The following PTK2B variants were observed in gnomAD, a reference collection of about 807,000 sequenced individuals.
PTK2B encodes protein-tyrosine kinase 2-beta.
Under a neutral mutation model 142.9 loss-of-function variants are expected in PTK2B, and 71 were observed. The observed-to-expected ratio is 0.50, with a 90% CI of 0.41 to 0.61. The LOEUF (loss-of-function observed/expected upper bound fraction) is 0.61. Among genes scored for constraint, PTK2B ranks in the 20% least tolerant of loss-of-function variants. The pLI is 0.00. For missense variants in PTK2B, 1,105 were observed against 1,320.4 expected (o/e 0.84, Z 2.53); for synonymous variants, 519 against 503.4 (o/e 1.03, Z -0.42).
chr8:27,452,674 A>G (rs1440603808), intron 27 of PTK2B: 2 of 177,428 alleles, frequency 1.1e-5, no homozygotes, highest in African/African-American at 2.4e-5. Flanking sequence ...TTCAGCCCCA[A>G]ACACTCTGGG....
At chr8:27,386,752 AGG>A (rs1411934133) in intron 1 of PTK2B, among the ~76,000 whole-genome samples, 1 of 152,278 alleles carries the variant, frequency 6.6e-6, no homozygotes, top group African/African-American at 2.4e-5. Flanking sequence ...GTGGCAGACT[AGG>A]GGGTTGGCAG....
chr8:27,410,900 A>G (rs958047818), intron 2 of PTK2B, among the ~76,000 whole-genome samples: 14 of 152,206 alleles, frequency 9.2e-5, no homozygotes, highest in South Asian at 2.1e-4. Flanking sequence ...GCCAAGCAGG[A>G]GGAAAAGCTA....
At chr8:27,449,084 G>A (rs1449165317) in intron 24 of PTK2B, among the ~76,000 whole-genome samples, 1 of 152,158 alleles carries the variant, frequency 6.6e-6, no homozygotes, top group African/African-American at 2.4e-5. Context: ...GCTAAGCATC[G>A]TACAATGCAC....
intron 5 of PTK2B, among the ~76,000 whole-genome samples, chr8:27,428,345 T>C (rs1810209757): frequency 6.6e-6 from 1 of 152,214 alleles, no homozygotes; most frequent in East Asian, 1.9e-4. Flanking sequence ...GTCCAGGGGT[T>C]GGGGACCTTT....
intron 1 of PTK2B, among the ~76,000 whole-genome samples, chr8:27,330,681 G>A (rs527752303): frequency 6.6e-6 from 1 of 152,300 alleles, no homozygotes; most frequent in African/African-American, 2.4e-5. Flanking sequence ...ATTTCTCAAG[G>A]AATAATTATT....
chr8:27,311,054 T>C (rs1181228702), upstream of PTK2B: 3 of 1,598,946 alleles, frequency 1.9e-6, no homozygotes, highest in African/African-American at 1.3e-5. Context: ...CGCGCGGTCT[T>C]TGCACACTGG....
intron 28 of PTK2B, chr8:27,453,912 TG>T: frequency 2.0e-6 from 1 of 491,184 alleles, no homozygotes; most frequent in Non-Finnish European, 3.6e-6. Context: ...TATGTCCAGG[TG>T]GTGGTTCTAA....
intron 1 of PTK2B, among the ~76,000 whole-genome samples, chr8:27,351,168 C>T (rs770337691): frequency 6.7e-6 from 1 of 148,910 alleles, no homozygotes. Context: ...TATACCATTG[C>T]ACTCCAGTCT....
intron 24 of PTK2B, among the ~76,000 whole-genome samples, chr8:27,447,859 A>G (rs999846529): frequency 6.6e-6 from 1 of 152,226 alleles, no homozygotes; most frequent in African/African-American, 2.4e-5. Context: ...ACCCTGTCTC[A>G]AAAATAAAAA....
intron 1 of PTK2B, among the ~76,000 whole-genome samples, chr8:27,346,487 A>T (rs563432563): frequency 6.6e-6 from 1 of 152,232 alleles, no homozygotes; most frequent in African/African-American, 2.4e-5. Context: ...TTGAGGCTAC[A>T]GTGAGCCGTG....
intron 5 of PTK2B, 29 bp from the exon 6 acceptor site, chr8:27,430,064 G>A (rs1489341807): frequency 1.2e-6 from 2 of 1,601,966 alleles, no homozygotes; most frequent in Admixed American, 1.7e-5. Context: ...CCAGCCTTCA[G>A]CCTCCCTCTC....
intron 19 of PTK2B, 77 bp from the exon 20 acceptor site, chr8:27,439,232 T>C: frequency 6.4e-7 from 1 of 1,564,574 alleles, no homozygotes; most frequent in Non-Finnish European, 8.8e-7. Context: ...AGGCTAAGGG[T>C]CTTCAGAAAG....
intron 1 of PTK2B, among the ~76,000 whole-genome samples, chr8:27,334,582 A>C (rs907662363): frequency 3.3e-5 from 5 of 152,132 alleles, no homozygotes; most frequent in Non-Finnish European, 7.3e-5. Flanking sequence ...ACATTCCTCC[A>C]CAGCAGGGAG....
intron 4 of PTK2B, among the ~76,000 whole-genome samples, chr8:27,422,009 TC>T (rs1416594665): frequency 6.6e-6 from 1 of 152,204 alleles, no homozygotes; most frequent in Non-Finnish European, 1.5e-5. Context: ...TCTTGCAAAA[TC>T]TCAGTTTTCT....
chr8:27,335,618 A>G (rs1189818902), intron 1 of PTK2B, among the ~76,000 whole-genome samples: 3 of 150,828 alleles, frequency 2.0e-5, no homozygotes, highest in Non-Finnish European at 3.0e-5. Flanking sequence ...AAAAAAAGAG[A>G]AAAGAAAAAT....
At chr8:27,311,067 A>C, upstream of PTK2B, 1 of 1,597,112 alleles carries the variant, frequency 6.3e-7, no homozygotes, top group Non-Finnish European at 8.5e-7. Flanking sequence ...CACACTGGGC[A>C]GGTGGGCGAC....
chr8:27,434,828 C>T (rs748476177), intron 13 of PTK2B, among the ~76,000 whole-genome samples: 6 of 152,064 alleles, frequency 3.9e-5, no homozygotes, highest in Non-Finnish European at 7.4e-5. Flanking sequence ...GGTGACACCC[C>T]ATTTCTACTA....
chr8:27,393,583 T>A (rs1807852999), intron 1 of PTK2B, among the ~76,000 whole-genome samples: 1 of 152,178 alleles, frequency 6.6e-6, no homozygotes, highest in African/African-American at 2.4e-5. Flanking sequence ...GGGAGTTGGC[T>A]CCTGAGTGGG....
intron 27 of PTK2B, 200 bp from the exon 28 acceptor site, chr8:27,452,914 G>A (rs1320832183): frequency 9.8e-6 from 6 of 613,930 alleles, no homozygotes; most frequent in African/African-American, 1.9e-5. Flanking sequence ...CTATAAAAGG[G>A]ACAACAGTGC....
Sources: allele counts gnomAD v4.1 joint callset (sites outside exome capture counted in the v4.1 genomes callset), GRCh38; gene constraint gnomAD v4.1.1; transcripts MANE v1.5; gene names NCBI Gene and HGNC (gene_info 2026-07-23, HGNC 2026-07-21).